The following NPAS3 variants were observed in gnomAD, a reference collection of about 807,000 sequenced individuals.
NPAS3 encodes the protein neuronal PAS domain protein 3, also known as neuronal PAS domain-containing protein 3.
In NPAS3, 14 loss-of-function variants were observed where a neutral mutation model predicts 73.1. The ratio of observed to expected loss-of-function variants is 0.19; its 90% CI spans 0.13 to 0.30. NPAS3 has a LOEUF of 0.30. Among genes scored for constraint, NPAS3 ranks in the 10% least tolerant of loss-of-function variants. NPAS3 has a pLI of 1.00. For synonymous variants in NPAS3, 620 were observed against 541.5 expected, an observed-to-expected ratio of 1.14 and a Z score of -2.01; for missense variants, 1,096 against 1,250.0, an observed-to-expected ratio of 0.88 and a Z score of 1.86.
At chr14:33,675,221 G>A (rs1215711747) in intron 5 of NPAS3, among the ~76,000 whole-genome samples, 2 of 152,108 alleles carry the variant, frequency 1.3e-5, no homozygotes, top group Non-Finnish European at 2.9e-5. Flanking sequence ...TCTCCCTGTT[G>A]TATGTGCATG....
rs545197559 is a variant in NPAS3, at chr14:33,434,121, G to A, written c.468+66853G>A. Among the ~76,000 whole-genome samples the A allele has an allele frequency of 9.9e-5, 15 of 152,242 alleles. 1 individual carries two copies. The South Asian group carries it at 2.5e-3, about 25-fold the overall frequency. On this transcript the variant is annotated intron_variant, in intron 4 of 11. Transcript: ENST00000356141. ...GCAGCAGAACCGCTTGAACCCAGGA[G>A]GCGGAGGTTGCAGTGAGCCAAGATT...
chr14:33,716,236 T>C (rs898435871), intron 6 of NPAS3, among the ~76,000 whole-genome samples: 1 of 152,212 alleles, frequency 6.6e-6, no homozygotes, highest in Admixed American at 6.5e-5. Context: ...ACATATCTGC[T>C]GAATGATCAA....
At chr14:33,314,634 C>T (rs944043225) in intron 3 of NPAS3, among the ~76,000 whole-genome samples, 4 of 151,904 alleles carry the variant, frequency 2.6e-5, no homozygotes, top group Non-Finnish European at 2.9e-5. Context: ...ATTATCGATC[C>T]ATATAATGAA....
Position 33,782,823 on chromosome 14 carries a change from T to TAAAAAAAAAAAAAAAAAAAAAAAAAAAA in NPAS3, c.1153+4259_1153+4260insAAAAAAAAAAAAAAAAAAAAAAAAAAAA, listed in dbSNP as rs199704146. 3.4e-4 allele frequency among the ~76,000 whole-genome samples: 51 copies of TAAAAAAAAAAAAAAAAAAAAAAAAAAAA among 148,680 alleles called. 1 individual carries two copies. Among genetic ancestry groups the TAAAAAAAAAAAAAAAAAAAAAAAAAAAA allele is most frequent in the Non-Finnish European group, 5.8e-4 (39 of 66,670 alleles). On this transcript the variant is annotated intron_variant, in intron 9 of 11. Coordinates refer to ENST00000356141, the Ensembl canonical transcript of NPAS3. ...AACATACTTGGGGGTTGTTTTTTTT[T>TAAAAAAAAAAAAAAAAAAAAAAAAAAAA]AAAAAAAAGAAAAAAACAGTAGCTT... is the stretch of plus-strand genomic sequence containing the variant.
rs150417674 is a variant in NPAS3, at chr14:33,521,036, G to T, written c.469-39085G>T. Among the ~76,000 whole-genome samples the T allele has an allele frequency of 8.5e-5, 13 of 152,206 alleles. No homozygotes were observed. In the East Asian group the frequency reaches 2.5e-3, roughly 29 times the overall value. On this transcript the variant is annotated intron_variant, in intron 4 of 11. Transcript: ENST00000356141. ...TAGGGTAGAATTCCAGCTTTTTCCT[G>T]TGCAAGACCAATATCTGAAGCTTGT...
chr14:32,963,238 A>G (rs2037006740), intron 1 of NPAS3, among the ~76,000 whole-genome samples: 1 of 152,206 alleles, frequency 6.6e-6, no homozygotes, highest in African/African-American at 2.4e-5. Context: ...GTTTGCTGTA[A>G]TAGGCCCCAT....
intron 1 of NPAS3, among the ~76,000 whole-genome samples, chr14:32,995,122 A>G (rs1037626234): frequency 6.6e-6 from 1 of 152,204 alleles, no homozygotes; most frequent in African/African-American, 2.4e-5. Flanking sequence ...AAAAAGGAAT[A>G]TGGGCTCAAA....
chr14:33,357,598 G>A (rs1302854415), intron 3 of NPAS3, among the ~76,000 whole-genome samples: 1 of 152,236 alleles, frequency 6.6e-6, no homozygotes, highest in Non-Finnish European at 1.5e-5. Flanking sequence ...ACAACAAAGA[G>A]GAGAGAGCTG....
At chr14:33,289,477 G>T (rs2042009596) in intron 3 of NPAS3, among the ~76,000 whole-genome samples, 1 of 152,088 alleles carries the variant, frequency 6.6e-6, no homozygotes, top group Non-Finnish European at 1.5e-5. Flanking sequence ...CTGAATGATG[G>T]CTTTAGTAAT....
chr14:32,961,280 C>T (rs2139223428), intron 1 of NPAS3, among the ~76,000 whole-genome samples: 1 of 151,824 alleles, frequency 6.6e-6, no homozygotes, highest in African/African-American at 2.4e-5. Flanking sequence ...GGTGTGGTGG[C>T]GCGTGCCTGT....
At chr14:33,754,098 C>T (rs1048090020) in intron 7 of NPAS3, among the ~76,000 whole-genome samples, 2 of 152,234 alleles carry the variant, frequency 1.3e-5, no homozygotes, top group South Asian at 2.1e-4. Context: ...GGAGGTGCCC[C>T]GCGACCCCAC....
intron 5 of NPAS3, among the ~76,000 whole-genome samples, chr14:33,667,728 C>T (rs2059493861): frequency 6.6e-6 from 1 of 152,064 alleles, no homozygotes; most frequent in African/African-American, 2.4e-5. Context: ...ATAAATTATA[C>T]ACCATGGCCA....
intron 1 of NPAS3, among the ~76,000 whole-genome samples, chr14:32,968,217 A>G (rs2037266662): frequency 1.3e-5 from 2 of 152,178 alleles, no homozygotes; most frequent in African/African-American, 4.8e-5. Context: ...CAAAATAGCT[A>G]GAAGAGAGGA....
Position 33,461,234 on chromosome 14 carries a change from G to A in NPAS3, c.468+93966G>A, listed in dbSNP as rs575459566. On this transcript the variant is annotated intron_variant, in intron 4 of 11. Coordinates refer to ENST00000356141, the Ensembl canonical transcript of NPAS3. ...TTTCCCTTGCCTTTAGGAATTCAGT[G>A]CTGAGCTAGCCAAAAGACAGGAATG... Among the ~76,000 whole-genome samples, 54 of 152,270 alleles carry A rather than the reference G, an allele frequency of 3.5e-4. No homozygotes were observed. In the South Asian group the frequency reaches 0.011, roughly 32 times the overall value.
chr14:33,718,896 C>G (rs2061028181), intron 6 of NPAS3, among the ~76,000 whole-genome samples: 1 of 152,068 alleles, frequency 6.6e-6, no homozygotes, highest in South Asian at 2.1e-4. Context: ...GAAGCCAAGG[C>G]AGGAGGATCA....
chr14:33,092,438 A>G (rs1040763976), intron 2 of NPAS3, among the ~76,000 whole-genome samples: 2 of 152,202 alleles, frequency 1.3e-5, no homozygotes, highest in African/African-American at 2.4e-5. Flanking sequence ...TTCAAGGAGA[A>G]CTACAAACCA....
chr14:33,146,505 T>C (rs2044242015), intron 2 of NPAS3, among the ~76,000 whole-genome samples: 1 of 152,224 alleles, frequency 6.6e-6, no homozygotes, highest in Non-Finnish European at 1.5e-5. Context: ...TATTGAGTCC[T>C]GTGAATCAGG....
chr14:33,554,382 C>G (rs1203437259), intron 4 of NPAS3, among the ~76,000 whole-genome samples: 1 of 152,158 alleles, frequency 6.6e-6, no homozygotes, highest in Non-Finnish European at 1.5e-5. Context: ...GGCATTTTCT[C>G]TGCAGTCTGA....
intron 6 of NPAS3, among the ~76,000 whole-genome samples, chr14:33,712,782 T>A (rs750775627): frequency 1.3e-5 from 2 of 152,138 alleles, no homozygotes; most frequent in Non-Finnish European, 2.9e-5. Context: ...GAAACCCAGT[T>A]CATTCTTACA....
Sources: allele counts gnomAD v4.1 joint callset (sites outside exome capture counted in the v4.1 genomes callset), GRCh38; gene constraint gnomAD v4.1.1; transcripts MANE v1.5; gene names NCBI Gene and HGNC (gene_info 2026-07-23, HGNC 2026-07-21).